The following FABP7 variants were observed in gnomAD, a reference collection of about 807,000 sequenced individuals.
The protein encoded by FABP7 is fatty acid binding protein 7.
Under a neutral mutation model 14.2 loss-of-function variants are expected in FABP7, and 13 were observed. The ratio of observed to expected loss-of-function variants is 0.91; its 90% confidence interval spans 0.59 to 1.45. FABP7 has a LOEUF of 1.45. Among genes scored for constraint, FABP7 ranks in the 40% most tolerant of loss-of-function variants. The pLI, the probability that FABP7 is intolerant of heterozygous loss-of-function variation, is 0.00. For missense variants in FABP7, 149 were observed against 157.6 expected (o/e 0.95, Z 0.29); for synonymous variants, 49 against 51.4 (o/e 0.95, Z 0.20).
the FABP7 span, among the ~76,000 whole-genome samples, chr6:122,753,797 C>CA: frequency 2.7e-4 from 29 of 106,024 alleles, no homozygotes; most frequent in African/African-American, 1.0e-3. Flanking sequence ...CCCCCCCCGC[C>CA]CACAGAAGTT....
intron 3 of FABP7, chr6:122,781,777 G>A (rs1261051306): frequency 2.4e-6 from 2 of 835,606 alleles, no homozygotes; most frequent in Non-Finnish European, 2.8e-6. Flanking sequence ...GTCTTGCTGT[G>A]TCACCCAGAC....
the FABP7 span, among the ~76,000 whole-genome samples, chr6:122,774,123 A>G: frequency 6.6e-6 from 1 of 152,120 alleles, no homozygotes; most frequent in Admixed American, 6.6e-5. Flanking sequence ...GCACTTTGGG[A>G]GGCCCAGGAG....
At chr6:122,781,231 T>C in intron 3 of FABP7, 37 bp downstream of exon 3, 1 of 1,607,992 alleles carries the variant, frequency 6.2e-7, no homozygotes, top group Non-Finnish European at 8.5e-7. Flanking sequence ...CCTTGTTTTT[T>C]TCTCCTCTCC....
chr6:122,750,848 G>T, the FABP7 span, among the ~76,000 whole-genome samples: 1 of 152,202 alleles, frequency 6.6e-6, no homozygotes, highest in Non-Finnish European at 1.5e-5. Flanking sequence ...ATAAGGGAAA[G>T]TTGAGAGACT....
At chr6:122,776,307 G>A (rs115831675), upstream of FABP7, among the ~76,000 whole-genome samples, 6,643 of 152,148 alleles carry the variant, frequency 0.044, 429 homozygotes, top group African/African-American at 0.14. Context: ...TAAAGAAAAT[G>A]TGGTATGTAT....
chr6:122,763,768 C>T, the FABP7 span, among the ~76,000 whole-genome samples: 6 of 152,198 alleles, frequency 3.9e-5, no homozygotes, highest in Non-Finnish European at 7.3e-5. Flanking sequence ...GACATTTATG[C>T]AGCCAACAGA....
Position 122,783,942 on chromosome 6 carries a change from G to T in FABP7, c.*175G>T. 1 of 435,348 alleles carries T rather than the reference G, an allele frequency of 2.3e-6. No individual in the cohort carries two copies. Among genetic ancestry groups the T allele is most frequent in the Non-Finnish European group, 4.0e-6 (1 of 246,920 alleles). The allele number at this position is 435,348 out of a possible 1,614,324, so 27.0% of individuals were successfully genotyped here. A position where few individuals can be genotyped will look rare whatever the true frequency, so the allele number is the denominator to read the frequency against. ...CAAGCAACTTGCCCAATTTTAATCT[G>T]AAAATTTATCATGTTTTATAATTTG... On this transcript the variant is annotated 3_prime_UTR_variant, in exon 4 of 4. Transcript: ENST00000368444.
chr6:122,776,310 G>A (rs971005290), upstream of FABP7, among the ~76,000 whole-genome samples: 25 of 152,048 alleles, frequency 1.6e-4, no homozygotes, highest in African/African-American at 6.0e-4. Context: ...AGAAAATGTG[G>A]TATGTATACA....
intron 3 of FABP7, chr6:122,781,905 G>C (rs1237548512): frequency 2.4e-6 from 1 of 416,140 alleles, no homozygotes; most frequent in Non-Finnish European, 3.2e-6. Flanking sequence ...CCAACGCCGG[G>C]CTAATTTTTT....
intron 1 of FABP7, 145 bp downstream of exon 1, chr6:122,780,012 A>G: frequency 1.2e-6 from 1 of 855,402 alleles, no homozygotes. Flanking sequence ...TTTTCCACTG[A>G]ATGGATTTTT....
At chr6:122,753,577 C>T in the FABP7 span, among the ~76,000 whole-genome samples, 7 of 152,014 alleles carry the variant, frequency 4.6e-5, no homozygotes, top group East Asian at 5.8e-4. Context: ...GTACTGTCAC[C>T]GATAGAGGGT....
intron 3 of FABP7, chr6:122,781,882 C>T: frequency 2.6e-6 from 1 of 386,832 alleles, no homozygotes; most frequent in Middle Eastern, 1.4e-3. Flanking sequence ...GCTGGGACCA[C>T]AGGTGCAAGC....
the FABP7 span, among the ~76,000 whole-genome samples, chr6:122,770,176 G>A: frequency 6.6e-6 from 1 of 151,954 alleles, no homozygotes; most frequent in East Asian, 1.9e-4. Context: ...GGCTCTCTTG[G>A]AAGAGGAATT....
rs146027635 is a variant in FABP7, at chr6:122,780,951, GAAGT to G, written c.247-139_247-136del. 419 of 967,924 alleles carry G rather than the reference GAAGT, an allele frequency of 4.3e-4. 1 individual carries two copies. In the African/African-American group the frequency reaches 6.1e-3, roughly 14 times the overall value. The allele number at this position is 967,924 out of a possible 1,614,324, so 60.0% of individuals were successfully genotyped here. A position where few individuals can be genotyped will look rare whatever the true frequency, so the allele number is the denominator to read the frequency against. ...TCAAATTTACATAATAGAAAATCTA[GAAGT>G]AATAGAAATAACAATAGGATAATTA... On this transcript the variant is annotated intron_variant, in intron 2 of 3. Transcript: ENST00000368444.
At chr6:122,757,102 C>A in the FABP7 span, among the ~76,000 whole-genome samples, 1 of 152,154 alleles carries the variant, frequency 6.6e-6, no homozygotes, top group South Asian at 2.1e-4. Flanking sequence ...AAGTGTATAT[C>A]TTAACCATAA....
the FABP7 span, among the ~76,000 whole-genome samples, chr6:122,771,527 C>CA: frequency 6.6e-6 from 1 of 152,154 alleles, no homozygotes; most frequent in South Asian, 2.1e-4. Context: ...GTAAACAGAT[C>CA]AGAGGATCTA....
the FABP7 span, among the ~76,000 whole-genome samples, chr6:122,753,776 C>CA: frequency 8.0e-4 from 79 of 98,718 alleles, no homozygotes; most frequent in Non-Finnish European, 1.3e-3. Flanking sequence ...TTCTTGGGTC[C>CA]AAATCCCGCC....
chr6:122,760,944 G>T, the FABP7 span, among the ~76,000 whole-genome samples: 2 of 152,088 alleles, frequency 1.3e-5, no homozygotes, highest in South Asian at 4.1e-4. Flanking sequence ...TAACTAATCA[G>T]ATTTTTATTA....
At chr6:122,770,407 A>G in the FABP7 span, among the ~76,000 whole-genome samples, 2 of 152,162 alleles carry the variant, frequency 1.3e-5, no homozygotes, top group African/African-American at 2.4e-5. Flanking sequence ...CAGTCTTGGC[A>G]TAAGTCACAC....
Sources: allele counts gnomAD v4.1 joint callset (sites outside exome capture counted in the v4.1 genomes callset), GRCh38; gene constraint gnomAD v4.1.1; transcripts MANE v1.5; gene names NCBI Gene and HGNC (gene_info 2026-07-23, HGNC 2026-07-21).